TMEM74: variants seen among roughly 807,000 people sequenced by gnomAD.
TMEM74 encodes the protein transmembrane protein 74.
A neutral mutation model predicts 18.1 loss-of-function variants in TMEM74; 13 were observed. The ratio of observed to expected loss-of-function variants is 0.72; its 90% confidence interval spans 0.47 to 1.14. The LOEUF (loss-of-function observed/expected upper bound fraction) is 1.14. Among genes scored for constraint, TMEM74 ranks in the 50% most tolerant of loss-of-function variants. TMEM74 has a pLI of 0.00. For missense variants in TMEM74, 372 were observed against 375.9 expected (o/e 0.99, Z 0.09); for synonymous variants, 159 against 146.6 (o/e 1.08, Z -0.61).
intron 2 of TMEM74, among the ~76,000 whole-genome samples, chr8:108,635,414 A>G (rs1812597466): frequency 6.6e-6 from 1 of 151,990 alleles, no homozygotes. Context: ...TCTCAAGGCA[A>G]TGTTTTCCTT....
At chr8:108,694,736 G>A (rs1431646943) in intron 1 of TMEM74, among the ~76,000 whole-genome samples, 2 of 152,196 alleles carry the variant, frequency 1.3e-5, no homozygotes, top group African/African-American at 4.8e-5. Flanking sequence ...TGTTTATAGA[G>A]ATTTATTATA....
chr8:108,785,171 A>C, intron 1 of TMEM74, 34 bp from the exon 2 acceptor site: 1 of 1,469,108 alleles, frequency 6.8e-7, no homozygotes, highest in Non-Finnish European at 9.1e-7. Context: ...TAAGAACCCA[A>C]CAGAAGCTAA....
intron 1 of TMEM74, among the ~76,000 whole-genome samples, chr8:108,695,298 A>G (rs1813269784): frequency 1.3e-5 from 2 of 152,212 alleles, no homozygotes; most frequent in Non-Finnish European, 2.9e-5. Flanking sequence ...AATTAATGCA[A>G]TGCAAATTTC....
chr8:108,706,113 A>G (rs772652852), intron 1 of TMEM74, among the ~76,000 whole-genome samples: 7 of 152,232 alleles, frequency 4.6e-5, no homozygotes, highest in Non-Finnish European at 1.0e-4. Flanking sequence ...AGCACACCAG[A>G]GGCACAGCTA....
chr8:108,675,127 G>A (rs182631770), intron 1 of TMEM74, among the ~76,000 whole-genome samples: 1 of 152,304 alleles, frequency 6.6e-6, no homozygotes, highest in Admixed American at 6.5e-5. Context: ...GTTTCCTAGA[G>A]TTCCCCTGTG....
chr8:108,693,314 G>A (rs116993390), intron 1 of TMEM74, among the ~76,000 whole-genome samples: 1,728 of 152,262 alleles, frequency 0.011, 18 homozygotes, highest in Middle Eastern at 0.044. Context: ...AGCAGTTGAA[G>A]GAAAAGTTAC....
intron 1 of TMEM74, among the ~76,000 whole-genome samples, chr8:108,656,746 T>A (rs1177947475): frequency 6.6e-6 from 1 of 152,116 alleles, no homozygotes; most frequent in African/African-American, 2.4e-5. Context: ...ATTTTTGCCA[T>A]GTAGGTAACA....
At chr8:108,617,046 AGAG>A (rs1812391296) in intron 2 of TMEM74, among the ~76,000 whole-genome samples, 1 of 151,920 alleles carries the variant, frequency 6.6e-6, no homozygotes, top group East Asian at 1.9e-4. Context: ...TTAGAGTGGA[AGAG>A]GAGATGATCT....
intron 1 of TMEM74, among the ~76,000 whole-genome samples, chr8:108,709,906 ACTG>A (rs1813458181): frequency 6.6e-6 from 1 of 152,308 alleles, no homozygotes; most frequent in Admixed American, 6.5e-5. Flanking sequence ...AATAAAACAA[ACTG>A]CTTTTTAATT....
At chr8:108,674,144 A>G (rs187013029) in intron 1 of TMEM74, among the ~76,000 whole-genome samples, 2 of 152,280 alleles carry the variant, frequency 1.3e-5, no homozygotes, top group East Asian at 1.9e-4. Context: ...AGAAATTTTT[A>G]CATTGTGCTA....
intron 1 of TMEM74, among the ~76,000 whole-genome samples, chr8:108,761,858 A>C (rs1437310587): frequency 6.6e-6 from 1 of 152,184 alleles, no homozygotes; most frequent in Non-Finnish European, 1.5e-5. Context: ...GTTCCAAAAA[A>C]ATTCGTCAAA....
intron 1 of TMEM74, among the ~76,000 whole-genome samples, chr8:108,725,876 G>A (rs751698210): frequency 2.0e-5 from 3 of 152,076 alleles, no homozygotes; most frequent in Non-Finnish European, 2.9e-5. Context: ...ATTACTCAAA[G>A]GATAATGTAA....
chr8:108,734,848 G>A (rs1178214310), intron 1 of TMEM74, among the ~76,000 whole-genome samples: 1 of 152,208 alleles, frequency 6.6e-6, no homozygotes, highest in Non-Finnish European at 1.5e-5. Context: ...TATGGCACTA[G>A]GCATTCCTAT....
At chr8:108,615,909 C>T (rs1221109763) in intron 2 of TMEM74, among the ~76,000 whole-genome samples, 1 of 148,956 alleles carries the variant, frequency 6.7e-6, no homozygotes, top group Non-Finnish European at 1.5e-5. Context: ...GCCTCAGCCT[C>T]CTGAATAGCT....
At chr8:108,774,757 T>A (rs1410169089), downstream of TMEM74, among the ~76,000 whole-genome samples, 2 of 50,672 alleles carry the variant, frequency 3.9e-5, no homozygotes, top group African/African-American at 2.4e-4. Context: ...CTTCCTTTAA[T>A]TTTTTTTTTT....
chr8:108,673,044 C>T (rs7839448), intron 1 of TMEM74, among the ~76,000 whole-genome samples: 2,918 of 152,234 alleles, frequency 0.019, 102 homozygotes, highest in African/African-American at 0.067. Flanking sequence ...GTAGCAGAGA[C>T]GTAAATAGAG....
intron 1 of TMEM74, among the ~76,000 whole-genome samples, chr8:108,742,183 C>A (rs1813807540): frequency 6.6e-6 from 1 of 152,052 alleles, no homozygotes; most frequent in South Asian, 2.1e-4. Context: ...AAAAAAATAA[C>A]TATTGGGTAC....
chr8:108,657,859 A>AAAAAAAAAAAT (rs1554630268), intron 1 of TMEM74, among the ~76,000 whole-genome samples: 1 of 49,878 alleles, frequency 2.0e-5, no homozygotes. Flanking sequence ...AAAAAAAAAA[A>AAAAAAAAAAAT]ATATATATAT....
chr8:108,706,409 T>G (rs1188705365), intron 1 of TMEM74, among the ~76,000 whole-genome samples: 2 of 152,186 alleles, frequency 1.3e-5, no homozygotes, highest in African/African-American at 4.8e-5. Context: ...TTATGATGTA[T>G]CTATAATACC....
Sources: allele counts gnomAD v4.1 joint callset (sites outside exome capture counted in the v4.1 genomes callset), GRCh38; gene constraint gnomAD v4.1.1; transcripts MANE v1.5; gene names NCBI Gene and HGNC (gene_info 2026-07-23, HGNC 2026-07-21).